The following PCNX1 variants were observed in gnomAD, a reference collection of about 807,000 sequenced individuals.
PCNX1 encodes the protein pecanex-like protein 1.
PCNX1 carries 78 observed loss-of-function variants against 242.2 expected under a neutral mutation model. The ratio of observed to expected loss-of-function variants is 0.32; its 90% confidence interval spans 0.27 to 0.39. The LOEUF (loss-of-function observed/expected upper bound fraction) is 0.39, where lower values mean the gene tolerates loss of function less well. PCNX1 is among the 10% of genes least tolerant of loss of function. The pLI is 1.00. For missense variants in PCNX1, 2,581 were observed against 2,856.5 expected (o/e 0.90, Z 2.20); for synonymous variants, 1,024 against 1,032.9 (o/e 0.99, Z 0.17).
chr14:70,955,248 T>C (rs943289036), intron 2 of PCNX1, among the ~76,000 whole-genome samples: 3 of 152,222 alleles, frequency 2.0e-5, no homozygotes. Flanking sequence ...ATGGCAGTAA[T>C]GCTTATGATA....
chr14:71,024,514 T>A (rs1177633801), intron 13 of PCNX1, among the ~76,000 whole-genome samples: 1 of 152,180 alleles, frequency 6.6e-6, no homozygotes, highest in African/African-American at 2.4e-5. Context: ...AAAAATTTTT[T>A]TTTTTATTTT....
chr14:71,060,244 A>G (rs1402356077), intron 26 of PCNX1, among the ~76,000 whole-genome samples: 1 of 152,146 alleles, frequency 6.6e-6, no homozygotes, highest in African/African-American at 2.4e-5. Flanking sequence ...TATAAACAAA[A>G]CTATGCTACT....
rs139570195 is a variant in PCNX1 at position 70,989,635 on chromosome 14, T to A, written c.2444+936T>A. On this transcript the variant is annotated intron_variant, in intron 7 of 35. Coordinates refer to ENST00000304743, the MANE Select transcript of PCNX1 (RefSeq NM_014982.3). ...ACCTCCGCCTCCCAAGTTCAAGTGA[T>A]TCTCCTGGCTCAGCCTCCCGAGGAG... Among the ~76,000 whole-genome samples, 945 of 151,210 alleles carry A rather than the reference T, an allele frequency of 6.2e-3. 7 individuals carry two copies. Among genetic ancestry groups the A allele is most frequent in the African/African-American group, 0.022 (911 of 41,080 alleles).
chr14:70,942,781 G>A (rs2057306049), intron 1 of PCNX1: 1 of 152,228 alleles, frequency 6.6e-6, no homozygotes, highest in African/African-American at 2.4e-5. Flanking sequence ...AGTCATGATT[G>A]ATTACATCAT....
At chr14:70,985,953 CAA>C (rs1261260900) in intron 6 of PCNX1, among the ~76,000 whole-genome samples, 1 of 149,848 alleles carries the variant, frequency 6.7e-6, no homozygotes, top group Non-Finnish European at 1.5e-5. Flanking sequence ...TTAAACAATT[CAA>C]AAAGAGTTTA....
intron 1 of PCNX1, among the ~76,000 whole-genome samples, chr14:70,936,874 G>T (rs2057025888): frequency 6.6e-6 from 1 of 152,198 alleles, no homozygotes; most frequent in African/African-American, 2.4e-5. Context: ...CCATTTCTCT[G>T]ATGGCCAGTG....
intron 4 of PCNX1, among the ~76,000 whole-genome samples, chr14:70,968,568 A>G (rs892226428): frequency 6.6e-6 from 1 of 152,198 alleles, no homozygotes; most frequent in Non-Finnish European, 1.5e-5. Flanking sequence ...ATTTGATGTG[A>G]AACCTTCTAA....
At chr14:70,922,397 C>T (rs1566570030) in intron 1 of PCNX1, among the ~76,000 whole-genome samples, 1 of 151,834 alleles carries the variant, frequency 6.6e-6, no homozygotes, top group Non-Finnish European at 1.5e-5. Context: ...AATTTTTTTA[C>T]AAACCTTTAA....
Position 70,978,652 on chromosome 14 carries a change from A to AGTAAACTG in PCNX1, c.2311+5_2311+12dup, listed in dbSNP as rs1261761890. The AGTAAACTG allele has an allele frequency of 6.3e-7, 1 of 1,599,578 alleles. No homozygotes were observed. Among genetic ancestry groups the AGTAAACTG allele is most frequent in the East Asian group, 2.2e-5 (1 of 44,792 alleles). The stretch of plus-strand genomic sequence containing the variant: ...GAGCAAGATGCAGTCAGTGGAGGTA[A>AGTAAACTG]GTAAACTGTAAGAAGAGATTTCTGT... On this transcript the variant is annotated splice_donor_region_variant and intron_variant, in intron 6 of 35. Coordinates refer to ENST00000304743, the MANE Select transcript of PCNX1 (RefSeq NM_014982.3).
intron 2 of PCNX1, among the ~76,000 whole-genome samples, chr14:70,952,559 A>C (rs915127246): frequency 2.0e-5 from 3 of 151,828 alleles, no homozygotes; most frequent in Non-Finnish European, 4.4e-5. Flanking sequence ...AGAATCATAC[A>C]GTATGCATTT....
chr14:70,924,370 A>G (rs574426293), intron 1 of PCNX1, among the ~76,000 whole-genome samples: 29 of 152,316 alleles, frequency 1.9e-4, no homozygotes, highest in South Asian at 6.2e-4. Context: ...TATACACTGC[A>G]TCCGGTTTCT....
Position 71,110,200 on chromosome 14 carries a change from T to C in PCNX1, c.*265T>C. ...CATGAAGGATAAAGTTCTGTTAAAA[T>C]ACATCCTTAAAAAAAGTTTTTCCTA... On this transcript the variant is annotated 3_prime_UTR_variant, in exon 36 of 36. Transcript: ENST00000304743. The C allele has an allele frequency of 4.3e-6, 2 of 462,946 alleles. No homozygotes were observed. Among genetic ancestry groups the C allele is most frequent in the Non-Finnish European group, 7.9e-6 (2 of 253,034 alleles). 28.7% of individuals were successfully genotyped at this position (462,946 alleles called of 1,614,324 possible). A position where few individuals can be genotyped will look rare whatever the true frequency, so the allele number is the denominator to read the frequency against.
chr14:70,978,139 A>C lies in PCNX1; in HGVS notation c.1802A>C (p.Asp601Ala), dbSNP rs1311225394. The change falls in exon 6 of 36, where the codon GAC (aspartate) becomes GCC (alanine). Residue 601 changes from aspartate to alanine, a missense_variant. This residue lies in a region of PCNX1 where 1,204 missense variants were observed against 1,216.7 expected (regional missense o/e 0.99). Coordinates refer to ENST00000304743, the MANE Select transcript of PCNX1 (RefSeq NM_014982.3). ...AGTGCTATATTTTGTCATGACGAAGACTCTAGTGATCAGAGTGACTTGAGT... is the reference window on the plus strand; with the variant it reads ...AGTGCTATATTTTGTCATGACGAAGCCTCTAGTGATCAGAGTGACTTGAGT... ...PHSAIFCHDE[D>A]SSDQSDLSRA... 1 of 1,614,004 alleles carries C rather than the reference A, an allele frequency of 6.2e-7. No individual in the cohort carries two copies. The highest frequency in any genetic ancestry group is 8.5e-7 in the Non-Finnish European group (1 of 1,180,008).
intron 1 of PCNX1, among the ~76,000 whole-genome samples, chr14:70,941,914 G>A (rs1859467): frequency 3.3e-5 from 5 of 152,202 alleles, no homozygotes; most frequent in East Asian, 1.9e-4. Flanking sequence ...CTCTGTGGGC[G>A]TGGGACCCTC....
Position 71,047,901 on chromosome 14 carries a change from G to A in PCNX1, c.4255G>A (p.Val1419Met). The A allele has an allele frequency of 6.2e-7, 1 of 1,613,244 alleles. No homozygotes were observed. Among genetic ancestry groups the A allele is most frequent in the East Asian group, 2.2e-5 (1 of 44,784 alleles). Residue 1419 changes from valine (V) to methionine (M), a missense_variant, in exon 22 of 36, where the codon GTG becomes ATG. Physicochemically the swap from Val to Met is conservative, Grantham distance 21. Around this residue, in one of 9 missense-constraint regions of PCNX1, gnomAD observed 432 missense variants for 443.1 expected, o/e 0.97. Coordinates refer to ENST00000304743, the MANE Select transcript of PCNX1 (RefSeq NM_014982.3). ...TCAGTATGTTACAGTCATCTTTACT[G>A]TGCTGTTTTTCAAATTTGACTATGA... Reference protein sequence around the residue: ...TYQYVTVIFTVLFFKFDYEAF... With the variant: ...TYQYVTVIFTMLFFKFDYEAF...
At chr14:70,998,709 C>A (rs1263928609) in intron 8 of PCNX1, among the ~76,000 whole-genome samples, 1 of 146,984 alleles carries the variant, frequency 6.8e-6, no homozygotes, top group Non-Finnish European at 1.5e-5. Context: ...CAAGATTGCG[C>A]CGCTGTACTC....
Position 70,951,183 on chromosome 14 carries a change from C to CT in PCNX1, c.362+4065dup, listed in dbSNP as rs142263554. On this transcript the variant is annotated intron_variant, in intron 2 of 35. Coordinates refer to ENST00000304743, the MANE Select transcript of PCNX1 (RefSeq NM_014982.3). ...TTTTCCCTGTAAATTTAGATGCTTT[C>CT]TTTTTCATGTAGTATACTGTATATA... Among the ~76,000 whole-genome samples, 1,749 of 152,056 alleles carry CT rather than the reference C, an allele frequency of 0.012. 153 individuals carry two copies. In the East Asian group the frequency reaches 0.25, roughly 21 times the overall value.
intron 1 of PCNX1, among the ~76,000 whole-genome samples, chr14:70,933,806 C>T (rs1017897333): frequency 6.6e-6 from 1 of 152,274 alleles, no homozygotes. Context: ...ACATCATAAT[C>T]ACTAAGTATT....
intron 1 of PCNX1, among the ~76,000 whole-genome samples, chr14:70,915,414 TC>T (rs543435385): frequency 2.0e-5 from 3 of 152,224 alleles, no homozygotes; most frequent in Non-Finnish European, 4.4e-5. Context: ...CATTGGTAAT[TC>T]CATCACCCCT....
Sources: gnomAD v4.1 joint callset for allele counts (sites outside exome capture counted in the v4.1 genomes callset) on GRCh38, gnomAD v4.1.1 for gene constraint, gnomAD v4.1.1 regional missense constraint, MANE v1.5 for transcripts, NCBI Gene and HGNC (gene_info 2026-07-23, HGNC 2026-07-21) for gene names.